EMB: variants seen among roughly 807,000 people sequenced by gnomAD.
EMB encodes the protein embigin homolog.
Under a neutral mutation model 41.4 loss-of-function variants are expected in EMB, and 31 were observed. The ratio of observed to expected loss-of-function variants is 0.75; its 90% confidence interval spans 0.56 to 1.01. The LOEUF (loss-of-function observed/expected upper bound fraction) is 1.01. EMB is among the 50% of genes least tolerant of loss of function. The probability of loss-of-function intolerance (pLI) is 0.00; values close to 1 mark genes in which losing one functional copy is unlikely to be tolerated. For synonymous variants in EMB, 137 were observed against 140.4 expected, an observed-to-expected ratio of 0.98 and a Z score of 0.17; for missense variants, 379 against 388.3, an observed-to-expected ratio of 0.98 and a Z score of 0.20.
chr5:50,420,157 T>A (rs558564459), intron 2 of EMB, among the ~76,000 whole-genome samples: 1 of 152,024 alleles, frequency 6.6e-6, no homozygotes, highest in Non-Finnish European at 1.5e-5. Flanking sequence ...AACCTGTACA[T>A]CCGGCACATG....
chr5:50,421,083 A>G (rs1353220231), intron 2 of EMB, among the ~76,000 whole-genome samples: 1 of 152,208 alleles, frequency 6.6e-6, no homozygotes, highest in Non-Finnish European at 1.5e-5. Context: ...ACTGCAAATA[A>G]AATGAGATCT....
intron 4 of EMB, among the ~76,000 whole-genome samples, chr5:50,409,447 T>C (rs967805618): frequency 1.6e-4 from 25 of 152,246 alleles, no homozygotes; most frequent in Non-Finnish European, 3.4e-4. Flanking sequence ...CACAAGATTC[T>C]GTGAGCATTT....
Position 50,441,023 on chromosome 5 carries a change from C to A in EMB, c.112+17G>T, listed in dbSNP as rs1289590012. The A allele has an allele frequency of 3.4e-6, 5 of 1,469,482 alleles. No homozygotes were observed. The East Asian group carries it at 1.4e-4, about 41-fold the overall frequency. 91.0% of individuals were successfully genotyped at this position (1,469,482 alleles called of 1,614,324 possible). The stretch of plus-strand genomic sequence containing the variant: ...CGCCCTCCGCCCTCCCTACCCTGGA[C>A]CCTGTACCCATCACACCTGGGGCAC... On this transcript the variant is annotated intron_variant, in intron 1 of 8. Transcript: ENST00000303221.
chr5:50,427,887 A>G (rs1340336722), intron 2 of EMB, among the ~76,000 whole-genome samples: 1 of 152,154 alleles, frequency 6.6e-6, no homozygotes, highest in Non-Finnish European at 1.5e-5. Flanking sequence ...ATCAAAATTG[A>G]TTCTCCCTTT....
In EMB at chr5:50,399,884, T is replaced by C. The variant is rs1382985776; in HGVS notation, c.941A>G (p.Asn314Ser). 1.9e-6 allele frequency: 3 copies of C among 1,605,330 alleles called. No individual in the cohort carries two copies. Among genetic ancestry groups the C allele is most frequent in the Admixed American group, 1.7e-5 (1 of 58,584 alleles). The change falls in exon 8 of 9, where the codon AAT (asparagine) becomes AGT (serine). Residue 314 changes from asparagine (N) to serine (S), a missense_variant. Asn to Ser is a conservative substitution (Grantham distance 46, BLOSUM62 1). Transcript: ENST00000303221. ...LKSDDSNGIE[N>S]NVPRHRKNES... Reference sequence around the variant, plus strand: ...ATTTTTTCTATGCCTGGGGACATTATTTTCTATACCATTGCTATCATCTGA... The same window carrying C: ...ATTTTTTCTATGCCTGGGGACATTACTTTCTATACCATTGCTATCATCTGA...
intron 1 of EMB, among the ~76,000 whole-genome samples, chr5:50,432,148 G>C (rs1316154748): frequency 6.6e-6 from 1 of 152,092 alleles, no homozygotes; most frequent in Non-Finnish European, 1.5e-5. Context: ...CTTAAGATTT[G>C]CTTTTTTAAA....
intron 1 of EMB, among the ~76,000 whole-genome samples, chr5:50,436,688 A>T (rs1745808359): frequency 6.6e-6 from 1 of 152,174 alleles, no homozygotes; most frequent in Non-Finnish European, 1.5e-5. Context: ...ACTCCACACC[A>T]GGCTGCCCTC....
chr5:50,421,480 A>G (rs1207529397), intron 2 of EMB, among the ~76,000 whole-genome samples: 1 of 152,138 alleles, frequency 6.6e-6, no homozygotes, highest in Admixed American at 6.6e-5. Context: ...TGTGGAAGTC[A>G]GTGTGGCGAT....
chr5:50,412,440 A>G (rs1745356557), intron 2 of EMB, among the ~76,000 whole-genome samples: 1 of 152,160 alleles, frequency 6.6e-6, no homozygotes, highest in African/African-American at 2.4e-5. Context: ...AGCAATAGGG[A>G]GAATGGAGTC....
At chr5:50,441,790 G>A (rs1379608765), upstream of EMB, among the ~76,000 whole-genome samples, 1 of 152,116 alleles carries the variant, frequency 6.6e-6, no homozygotes, top group Non-Finnish European at 1.5e-5. Context: ...AGGTTTTAGA[G>A]TCCCAAGGCC....
chr5:50,437,737 CTG>C (rs1453322711), intron 1 of EMB, among the ~76,000 whole-genome samples: 3 of 151,842 alleles, frequency 2.0e-5, no homozygotes, highest in Non-Finnish European at 2.9e-5. Flanking sequence ...TAGAAAGCTG[CTG>C]TGTTTGGGGT....
At chr5:50,429,107 G>A (rs1031707559) in intron 1 of EMB, among the ~76,000 whole-genome samples, 60 of 152,214 alleles carry the variant, frequency 3.9e-4, no homozygotes, top group African/African-American at 1.3e-3. Context: ...TGTTGGCCAG[G>A]ATGGTCTCAA....
At chr5:50,399,756 G>T in intron 8 of EMB, 103 bp downstream of exon 8, 1 of 858,384 alleles carries the variant, frequency 1.2e-6, no homozygotes, top group Non-Finnish European at 1.9e-6. Flanking sequence ...CATCATAAAT[G>T]ACCAGATCTT....
chr5:50,425,188 C>T (rs765197286), intron 2 of EMB, among the ~76,000 whole-genome samples: 1 of 152,116 alleles, frequency 6.6e-6, no homozygotes, highest in Non-Finnish European at 1.5e-5. Context: ...TCTTGCTGGC[C>T]GAGATTTAGA....
At chr5:50,415,812 A>G (rs1745420959) in intron 2 of EMB, among the ~76,000 whole-genome samples, 1 of 152,368 alleles carries the variant, frequency 6.6e-6, no homozygotes, top group South Asian at 2.1e-4. Flanking sequence ...AAACTGTTGA[A>G]ACAAGATTTT....
intron 2 of EMB, among the ~76,000 whole-genome samples, chr5:50,415,574 T>C (rs1474137705): frequency 6.6e-6 from 1 of 152,208 alleles, no homozygotes; most frequent in East Asian, 1.9e-4. Flanking sequence ...GTTGATTAAA[T>C]AATTTAATCT....
At position 50,397,467 on chromosome 5, in the gene EMB, T is replaced by G. The variant is rs535700729; in HGVS notation, c.*1806A>C. 1 of 152,276 alleles carries G rather than the reference T, an allele frequency of 6.6e-6. No individual in the cohort carries two copies. The highest frequency in any genetic ancestry group is 2.4e-5 in the African/African-American group (1 of 41,560). The allele number at this position is 152,276 out of a possible 1,614,324, so 9.4% of individuals were successfully genotyped here. ...CAATGCTTGTTGCTTGAAAATTGTA[T>G]GAGCCTCAATGGTTAGTGGTGGTAA... On this transcript the variant is annotated 3_prime_UTR_variant, in exon 9 of 9. Transcript: ENST00000303221.
intron 7 of EMB, among the ~76,000 whole-genome samples, chr5:50,400,861 T>C (rs1745150125): frequency 6.6e-6 from 1 of 152,024 alleles, no homozygotes; most frequent in African/African-American, 2.4e-5. Context: ...TTCCACACTG[T>C]TCTGGTACCA....
At chr5:50,440,018 G>T (rs989722919) in intron 1 of EMB, among the ~76,000 whole-genome samples, 1 of 152,114 alleles carries the variant, frequency 6.6e-6, no homozygotes, top group East Asian at 1.9e-4. Context: ...GGCAACTTTC[G>T]TGTTGGCTTT....
Sources: allele counts gnomAD v4.1 joint callset (sites outside exome capture counted in the v4.1 genomes callset), GRCh38; gene constraint gnomAD v4.1.1; transcripts MANE v1.5; gene names NCBI Gene and HGNC (gene_info 2026-07-23, HGNC 2026-07-21).